The following HNF4A variants were observed in gnomAD, a reference collection of about 807,000 sequenced individuals.
HNF4A encodes hepatocyte nuclear factor 4 alpha, also known as hepatocyte nuclear factor 4-alpha.
In HNF4A, 15 loss-of-function variants were observed where a neutral mutation model predicts 52.4. That is an observed-to-expected ratio of 0.29 (90% CI 0.19 to 0.44). The LOEUF (loss-of-function observed/expected upper bound fraction) is 0.44, where lower values mean the gene tolerates loss of function less well. Among genes scored for constraint, HNF4A ranks in the 20% least tolerant of loss-of-function variants. The probability of loss-of-function intolerance (pLI) is 1.00; values close to 1 mark genes in which losing one functional copy is unlikely to be tolerated. For missense variants in HNF4A, 479 were observed against 647.2 expected, an observed-to-expected ratio of 0.74 and a Z score of 2.82; for synonymous variants, 280 against 264.4, an observed-to-expected ratio of 1.06 and a Z score of -0.57.
intron 7 of HNF4A, among the ~76,000 whole-genome samples, chr20:44,421,625 G>A (rs1050753786): frequency 2.0e-5 from 3 of 151,696 alleles, no homozygotes; most frequent in Non-Finnish European, 4.4e-5. Context: ...GTGGTGGTCC[G>A]TGCCTGTAAT....
intron 1 of HNF4A, among the ~76,000 whole-genome samples, chr20:44,368,167 T>A (rs1163914523): frequency 4.9e-4 from 46 of 93,460 alleles, no homozygotes; most frequent in African/African-American, 1.8e-3. Context: ...TATATTTTTT[T>A]TTTTTTTTTT....
rs767826185 is a variant in HNF4A at position 44,407,482 on chromosome 20, C to T, written c.385+7C>T. ...GCTGGCATGAAGAAGGAAGGTGAGCCTCGGCCCTCCCCGCCCCACCACCAC... is the reference window on the plus strand; with the variant it reads ...GCTGGCATGAAGAAGGAAGGTGAGCTTCGGCCCTCCCCGCCCCACCACCAC... On this transcript the variant is annotated splice_region_variant and intron_variant, in intron 3 of 9. Transcript: ENST00000316099. 6.3e-7 allele frequency: 1 copy of T among 1,576,868 alleles called. No homozygotes were observed. Among genetic ancestry groups the T allele is most frequent in the Non-Finnish European group, 8.6e-7 (1 of 1,157,492 alleles).
intron 1 of HNF4A, among the ~76,000 whole-genome samples, chr20:44,379,106 GT>G (rs2063121198): frequency 1.3e-5 from 2 of 152,060 alleles, no homozygotes; most frequent in African/African-American, 4.8e-5. Flanking sequence ...ATCCATCCAT[GT>G]TGTAGCATGT....
At chr20:44,405,688 T>G (rs973022698) in intron 1 of HNF4A, among the ~76,000 whole-genome samples, 3 of 152,226 alleles carry the variant, frequency 2.0e-5, no homozygotes, top group Admixed American at 2.0e-4. Flanking sequence ...GGACAGGACC[T>G]GGTTCTGGGG....
At chr20:44,404,322 C>G (rs2063451465) in intron 1 of HNF4A, among the ~76,000 whole-genome samples, 1 of 152,122 alleles carries the variant, frequency 6.6e-6, no homozygotes, top group Non-Finnish European at 1.5e-5. Context: ...GTCAATGTCA[C>G]ACGGCTAAAA....
intron 4 of HNF4A, among the ~76,000 whole-genome samples, chr20:44,414,068 C>A (rs937562733): frequency 6.6e-6 from 1 of 152,206 alleles, no homozygotes; most frequent in Non-Finnish European, 1.5e-5. Flanking sequence ...TGAGGGCCTG[C>A]GATCAGCTCA....
rs1047657135 is a variant in HNF4A at position 44,383,515 on chromosome 20, G to A, written c.50-22543G>A. On this transcript the variant is annotated intron_variant, in intron 1 of 9. Transcript: ENST00000316673. ...TCTGACAATCTTAGACAGCTTTGGG[G>A]ATCCAAAAGATTGAGAAGTACTCTT... Among the ~76,000 whole-genome samples the A allele has an allele frequency of 4.6e-5, 7 of 151,188 alleles. No individual in the cohort carries two copies. The East Asian group carries it at 7.8e-4, about 17-fold the overall frequency.
At chr20:44,386,137 C>T (rs1344397404) in intron 1 of HNF4A, among the ~76,000 whole-genome samples, 1 of 150,856 alleles carries the variant, frequency 6.6e-6, no homozygotes, top group Non-Finnish European at 1.5e-5. Flanking sequence ...AGGCGTGAGC[C>T]ACCGTGCCCA....
At chr20:44,396,236 A>G (rs1413210576) in intron 1 of HNF4A, among the ~76,000 whole-genome samples, 1 of 152,204 alleles carries the variant, frequency 6.6e-6, no homozygotes, top group Non-Finnish European at 1.5e-5. Context: ...CATCTTTAAA[A>G]TGGGGATGAC....
At chr20:44,372,033 T>C (rs150104185) in intron 1 of HNF4A, among the ~76,000 whole-genome samples, 39 of 152,306 alleles carry the variant, frequency 2.6e-4, no homozygotes, top group Non-Finnish European at 4.9e-4. Context: ...TTGTTTTTCT[T>C]AGAGGAACGT....
In HNF4A at chr20:44,407,757, T is replaced by TTGTGTGTGTGTG. The variant is rs35406830; in HGVS notation, c.385+306_385+317dup. Reference sequence around the variant, plus strand: ...TCTGCGCCACCACAAAGCAGCCACGTTGTGTGTGTGTGTGTGTGTGTGTGT... The same window carrying TTGTGTGTGTGTG: ...TCTGCGCCACCACAAAGCAGCCACGTTGTGTGTGTGTGTGTGTGTGTGTGTGTGTGTGTGTGT... On this transcript the variant is annotated intron_variant, in intron 3 of 9. Coordinates refer to ENST00000316099, the MANE Select transcript of HNF4A (RefSeq NM_000457.6). Among the ~76,000 whole-genome samples, 943 of 145,922 alleles carry TTGTGTGTGTGTG rather than the reference T, an allele frequency of 6.5e-3. 15 individuals carry two copies. Among genetic ancestry groups the TTGTGTGTGTGTG allele is most frequent in the African/African-American group, 0.017 (668 of 39,106 alleles).
Position 44,428,272 on chromosome 20 carries a change from C to T in HNF4A, c.1130-63C>T, listed in dbSNP as rs1016763495. On this transcript the variant is annotated intron_variant, in intron 8 of 9. Transcript: ENST00000316099. ...GATTGGCCACGCCTGAGGAAGATGG[C>T]GTCCCAAGGCCTGAGGTCTGCATCC... The T allele has an allele frequency of 1.7e-5, 26 of 1,564,816 alleles. No homozygotes were observed. The South Asian group carries it at 2.0e-4, about 12-fold the overall frequency.
At chr20:44,416,632 G>A (rs757888881) in intron 5 of HNF4A, among the ~76,000 whole-genome samples, 13 of 152,206 alleles carry the variant, frequency 8.5e-5, no homozygotes, top group East Asian at 1.9e-4. Context: ...CTATCCATGG[G>A]GAATAGAAGG....
At chr20:44,369,197 T>C (rs1213387236) in intron 1 of HNF4A, among the ~76,000 whole-genome samples, 1 of 128,168 alleles carries the variant, frequency 7.8e-6, no homozygotes, top group Non-Finnish European at 1.5e-5. Flanking sequence ...TTCAGTGAGC[T>C]GAGATCACGC....
chr20:44,402,249 T>C (rs1419407957), intron 1 of HNF4A, among the ~76,000 whole-genome samples: 1 of 151,958 alleles, frequency 6.6e-6, no homozygotes, highest in Non-Finnish European at 1.5e-5. Flanking sequence ...TAAGTGTGTA[T>C]GTGTGTGTAC....
At chr20:44,406,898 G>A (rs532810535) in intron 2 of HNF4A, among the ~76,000 whole-genome samples, 10 of 152,178 alleles carry the variant, frequency 6.6e-5, no homozygotes, top group Non-Finnish European at 1.0e-4. Flanking sequence ...AGGTCAACCA[G>A]CTTGAATCAC....
intron 7 of HNF4A, among the ~76,000 whole-genome samples, chr20:44,423,208 C>T (rs1429732719): frequency 1.3e-5 from 2 of 151,858 alleles, no homozygotes; most frequent in Non-Finnish European, 2.9e-5. Flanking sequence ...CCCAGCTACT[C>T]GGGAGGCTGA....
intron 5 of HNF4A, among the ~76,000 whole-genome samples, chr20:44,416,390 A>G (rs1336942372): frequency 6.6e-6 from 1 of 152,264 alleles, no homozygotes; most frequent in African/African-American, 2.4e-5. Context: ...AGAGAGAGAC[A>G]GAAATTTGCC....
chr20:44,385,559 C>T (rs1027312704), intron 1 of HNF4A, among the ~76,000 whole-genome samples: 2 of 151,924 alleles, frequency 1.3e-5, no homozygotes, highest in Non-Finnish European at 2.9e-5. Flanking sequence ...ACCTCCGCCT[C>T]CCAGGTTCAA....
Sources: gnomAD v4.1 joint callset for allele counts (sites outside exome capture counted in the v4.1 genomes callset) on GRCh38, gnomAD v4.1.1 for gene constraint, MANE v1.5 for transcripts, NCBI Gene and HGNC (gene_info 2026-07-23, HGNC 2026-07-21) for gene names.